Variants in SKAP2 observed in about 807,000 individuals in gnomAD.
The protein encoded by SKAP2 is src kinase-associated phosphoprotein 2.
In SKAP2, 28 loss-of-function variants were observed where a neutral mutation model predicts 54.9. That is an observed-to-expected ratio of 0.51 (90% CI 0.38 to 0.70). The LOEUF (loss-of-function observed/expected upper bound fraction) is 0.70, where lower values mean the gene tolerates loss of function less well. SKAP2 is among the 30% of genes least tolerant of loss of function. The pLI is 0.00. For missense variants in SKAP2, 356 were observed against 424.1 expected, an observed-to-expected ratio of 0.84 and a Z score of 1.41; for synonymous variants, 137 against 134.3, an observed-to-expected ratio of 1.02 and a Z score of -0.14.
chr7:26,834,356 A>C (rs1784662287), intron 4 of SKAP2, among the ~76,000 whole-genome samples: 1 of 152,204 alleles, frequency 6.6e-6, no homozygotes, highest in Non-Finnish European at 1.5e-5. Flanking sequence ...AGCAGAACTG[A>C]AGGAGATAGA....
At chr7:26,670,232 T>C (rs372246239) in intron 11 of SKAP2, 40 bp from the exon 12 acceptor site, 82 of 909,110 alleles carry the variant, frequency 9.0e-5, no homozygotes, top group Non-Finnish European at 6.7e-5. Flanking sequence ...TTTAGACTGG[T>C]GTAAGTACAA....
At chr7:26,857,792 G>C in intron 1 of SKAP2, 1 of 938,234 alleles carries the variant, frequency 1.1e-6, no homozygotes, top group Non-Finnish European at 1.3e-6. Flanking sequence ...TAAGAGTCTT[G>C]GGCGAATCAA....
At chr7:26,862,284 A>C (rs2127999973) in intron 1 of SKAP2, among the ~76,000 whole-genome samples, 1 of 152,206 alleles carries the variant, frequency 6.6e-6, no homozygotes, top group East Asian at 1.9e-4. Context: ...AATTACAGTC[A>C]AACATAAAAT....
chr7:26,729,148 A>C (rs1229271382), intron 6 of SKAP2, among the ~76,000 whole-genome samples: 1 of 152,170 alleles, frequency 6.6e-6, no homozygotes, highest in Non-Finnish European at 1.5e-5. Flanking sequence ...GATTCATTTT[A>C]GCCAAACCCC....
chr7:26,757,606 G>A (rs1179772573), intron 4 of SKAP2, among the ~76,000 whole-genome samples: 9 of 152,100 alleles, frequency 5.9e-5, no homozygotes, highest in African/African-American at 9.7e-5. Context: ...GTCAGGTAGC[G>A]TGATGCCTCC....
the SKAP2 span, among the ~76,000 whole-genome samples, chr7:26,656,638 C>A: frequency 6.6e-6 from 1 of 152,158 alleles, no homozygotes; most frequent in Non-Finnish European, 1.5e-5. Flanking sequence ...AGAGCTTATT[C>A]TGGAATCAAG....
In SKAP2 at chr7:26,744,231, A is replaced by G. The variant is rs1782513566; in HGVS notation, c.308-4267T>C. On this transcript the variant is annotated intron_variant, in intron 4 of 12. Coordinates refer to ENST00000345317, the MANE Select transcript of SKAP2 (RefSeq NM_003930.5). ...ACTTAAGAAATAAGTTTTATCTTTT[A>G]AAAAGTGTTAACAATTAAAAATAAT... 2.0e-5 allele frequency among the ~76,000 whole-genome samples: 3 copies of G among 152,252 alleles called. No homozygotes were observed. In the South Asian group the frequency reaches 6.2e-4, roughly 32 times the overall value.
intron 10 of SKAP2, 145 bp downstream of exon 10, chr7:26,690,140 G>A: frequency 1.6e-6 from 1 of 606,190 alleles, no homozygotes; most frequent in East Asian, 2.8e-5. Flanking sequence ...ATGGGACTAA[G>A]CAGCTTATCA....
At chr7:26,823,504 A>G (rs1240216208) in intron 4 of SKAP2, among the ~76,000 whole-genome samples, 1 of 151,936 alleles carries the variant, frequency 6.6e-6, no homozygotes, top group Non-Finnish European at 1.5e-5. Flanking sequence ...TGGTCTGGCT[A>G]GAAGATTAAA....
chr7:26,711,579 C>G (rs1390545181), intron 9 of SKAP2, among the ~76,000 whole-genome samples: 3 of 152,044 alleles, frequency 2.0e-5, no homozygotes, highest in African/African-American at 7.2e-5. Context: ...TGAAGGCAGT[C>G]CAGGGAAGGG....
In SKAP2 at chr7:26,827,286, C is replaced by T. The variant is rs185536161; in HGVS notation, c.307+16744G>A. Reference sequence around the variant, plus strand: ...TCTTTAAATATGGCATTATATGTTTCCGCTTTTTAGGTATGAAAAAGAATT... The same window carrying T: ...TCTTTAAATATGGCATTATATGTTTTCGCTTTTTAGGTATGAAAAAGAATT... On this transcript the variant is annotated intron_variant, in intron 4 of 12. Coordinates refer to ENST00000345317, the MANE Select transcript of SKAP2 (RefSeq NM_003930.5). Among the ~76,000 whole-genome samples the T allele has an allele frequency of 4.5e-4, 68 of 152,218 alleles. 1 individual carries two copies. The East Asian group carries it at 0.01, about 23-fold the overall frequency.
At chr7:26,713,601 GT>G (rs578147464) in intron 9 of SKAP2, among the ~76,000 whole-genome samples, 35 of 145,924 alleles carry the variant, frequency 2.4e-4, no homozygotes, top group East Asian at 4.0e-4. Flanking sequence ...GTTCTTTTTT[GT>G]TTTTTTTTTT....
At chr7:26,844,872 C>T (rs866072218) in intron 3 of SKAP2, among the ~76,000 whole-genome samples, 3 of 151,950 alleles carry the variant, frequency 2.0e-5, no homozygotes, top group Non-Finnish European at 4.4e-5. Context: ...ATCCTAGGTT[C>T]GTTGGTCGAT....
intron 4 of SKAP2, among the ~76,000 whole-genome samples, chr7:26,840,181 T>G (rs1784792129): frequency 6.6e-6 from 1 of 152,102 alleles, no homozygotes; most frequent in Non-Finnish European, 1.5e-5. Flanking sequence ...AATAAATGAC[T>G]GTTCTATATT....
chr7:26,851,090 T>C (rs1003984596), intron 3 of SKAP2, among the ~76,000 whole-genome samples: 6 of 151,916 alleles, frequency 3.9e-5, no homozygotes, highest in Admixed American at 3.9e-4. Context: ...CAGCCTAGTG[T>C]TTCAACTACC....
chr7:26,715,906 C>A (rs1787423600), intron 9 of SKAP2, among the ~76,000 whole-genome samples: 1 of 152,184 alleles, frequency 6.6e-6, no homozygotes, highest in Admixed American at 6.5e-5. Context: ...TCTTTTAACT[C>A]ATGAACTATT....
chr7:26,733,600 T>C (rs1787864432), intron 6 of SKAP2, among the ~76,000 whole-genome samples: 7 of 152,078 alleles, frequency 4.6e-5, no homozygotes, highest in Admixed American at 2.0e-4. Context: ...AAAGAGAACA[T>C]ATATGTCCTC....
chr7:26,859,375 C>A (rs1350485896), intron 1 of SKAP2, among the ~76,000 whole-genome samples: 1 of 151,850 alleles, frequency 6.6e-6, no homozygotes, highest in African/African-American at 2.4e-5. Context: ...ACATGCAAAT[C>A]AACAGAGCCA....
intron 4 of SKAP2, among the ~76,000 whole-genome samples, chr7:26,804,690 A>G (rs996690537): frequency 4.6e-5 from 7 of 151,740 alleles, no homozygotes; most frequent in Admixed American, 2.6e-4. Flanking sequence ...AGTGAGCCGA[A>G]ATAGCACCAC....
Sources: allele counts gnomAD v4.1 joint callset (sites outside exome capture counted in the v4.1 genomes callset), GRCh38; gene constraint gnomAD v4.1.1; transcripts MANE v1.5; gene names NCBI Gene and HGNC (gene_info 2026-07-23, HGNC 2026-07-21).